Variants in CCDC154 observed in about 807,000 individuals in gnomAD.
CCDC154 encodes coiled-coil domain-containing protein 154.
CCDC154 carries 91 observed loss-of-function variants against 87.5 expected under a neutral mutation model. The observed-to-expected ratio is 1.04, with a 90% CI of 0.88 to 1.24. The LOEUF (loss-of-function observed/expected upper bound fraction) is 1.24, where lower values mean the gene tolerates loss of function less well. Ranked by LOEUF, CCDC154 falls within the 50% of genes most tolerant of loss-of-function variation. The pLI, the probability that CCDC154 is intolerant of heterozygous loss-of-function variation, is 0.00. For synonymous variants in CCDC154, 418 were observed against 400.4 expected, an observed-to-expected ratio of 1.04 and a Z score of -0.52; for missense variants, 903 against 879.2, an observed-to-expected ratio of 1.03 and a Z score of -0.34.
At chr16:1,437,694 G>T in intron 11 of CCDC154, 123 bp downstream of exon 11, 1 of 1,225,368 alleles carries the variant, frequency 8.2e-7, no homozygotes, top group Non-Finnish European at 1.1e-6. Context: ...ACAGTCGCTG[G>T]GTGGGACGGG....
At chr16:1,439,384 C>G (rs1261974256) in intron 6 of CCDC154, 1 of 514,148 alleles carries the variant, frequency 1.9e-6, no homozygotes, top group East Asian at 3.3e-5. Context: ...ACACTTGGCA[C>G]CCACCACCGA....
chr16:1,435,994 G>T lies in CCDC154; in HGVS notation c.1580C>A (p.Ala527Glu), dbSNP rs1037924050. ...CGTGGCCAGCTTGCCCTGCATCTCC[G>T]CGATCTTCCGCCCAGGGTTGTCTTC... ...LKEDNPGRKI[A>E]EMQGKLATFQ... The change falls in exon 14 of 17, where the codon GCG becomes GAG. Residue 527 changes from alanine to glutamate, a missense_variant. Physicochemically the swap from Ala to Glu is moderately radical, Grantham distance 107. Transcript: ENST00000389176. The T allele has an allele frequency of 1.9e-6, 3 of 1,549,800 alleles. No homozygotes were observed. The highest frequency in any genetic ancestry group is 2.6e-6 in the Non-Finnish European group (3 of 1,146,734).
chr16:1,435,715 AG>A (rs544404989), intron 14 of CCDC154, among the ~76,000 whole-genome samples: 72 of 152,222 alleles, frequency 4.7e-4, no homozygotes, highest in Non-Finnish European at 6.2e-4. Context: ...TAGTAGAGAC[AG>A]GGTTTCTCCA....
Position 1,434,747 on chromosome 16 carries a change from TCA to T in CCDC154, c.1796_1797del (p.Val599GlufsTer?). The T allele has an allele frequency of 1.9e-6, 3 of 1,545,856 alleles. No individual in the cohort carries two copies. Among genetic ancestry groups the T allele is most frequent in the Non-Finnish European group, 2.6e-6 (3 of 1,146,794 alleles). On this transcript the variant is annotated frameshift_variant, in exon 16 of 17. Coordinates refer to ENST00000389176, the MANE Select transcript of CCDC154 (RefSeq NM_001143980.3). LOFTEE classifies it high-confidence loss of function. ...LGSWKALPSL[V>X]RPRVFIKDMA... The stretch of plus-strand genomic sequence containing the variant: ...ATGTCCTTGATGAAGACCCGCGGCC[TCA>T]CCAGGGATGGGAGCGCCTTCCAGCT...
intron 6 of CCDC154, among the ~76,000 whole-genome samples, chr16:1,442,093 T>C (rs1327995486): frequency 3.9e-5 from 6 of 152,082 alleles, no homozygotes; most frequent in African/African-American, 1.2e-4. Flanking sequence ...GTTTTTTGTA[T>C]TTTTAGTAGA....
intron 6 of CCDC154, among the ~76,000 whole-genome samples, chr16:1,442,044 G>A (rs1282107769): frequency 6.9e-6 from 1 of 144,972 alleles, no homozygotes; most frequent in Non-Finnish European, 1.5e-5. Context: ...AGCCTCCTCA[G>A]TAGCTGAGGC....
rs766596441 is a variant in CCDC154 at position 1,442,623 on chromosome 16, G to A, written c.552-94C>T. On this transcript the variant is annotated intron_variant, in intron 5 of 16. Coordinates refer to ENST00000389176, the MANE Select transcript of CCDC154 (RefSeq NM_001143980.3). Reference sequence around the variant, plus strand: ...CAGGCTGGCCAGGCAGGAGGTGTACGACCCCCGCCCCCTGCCCCACCAGAA... The same window carrying A: ...CAGGCTGGCCAGGCAGGAGGTGTACAACCCCCGCCCCCTGCCCCACCAGAA... 48 of 1,357,150 alleles carry A rather than the reference G, an allele frequency of 3.5e-5. No individual in the cohort carries two copies. In the East Asian group the frequency reaches 6.1e-4, roughly 17 times the overall value. 84.1% of individuals were successfully genotyped at this position (1,357,150 alleles called of 1,614,324 possible).
At chr16:1,439,229 C>A in intron 6 of CCDC154, 103 bp from the exon 7 acceptor site, 1 of 1,073,978 alleles carries the variant, frequency 9.3e-7, no homozygotes, top group South Asian at 1.5e-5. Context: ...CCTGCTGTCC[C>A]CAAGCCCTGA....
chr16:1,435,539 G>T (rs907121094), intron 14 of CCDC154, among the ~76,000 whole-genome samples: 1 of 152,240 alleles, frequency 6.6e-6, no homozygotes, highest in Admixed American at 6.5e-5. Flanking sequence ...GTTTTGTTTT[G>T]TTTGAGATGG....
chr16:1,437,705 A>AGGCTTGGGACCGGC, intron 11 of CCDC154, 112 bp downstream of exon 11: 1 of 1,294,706 alleles, frequency 7.7e-7, no homozygotes, highest in South Asian at 1.6e-5. Flanking sequence ...GTGGGACGGG[A>AGGCTTGGGACCGGC]GGCTTGGGAC....
rs1294936507 is a variant in CCDC154, at chr16:1,435,949, G to T, written c.1605+20C>A. 6.5e-7 allele frequency: 1 copy of T among 1,538,394 alleles called. No individual in the cohort carries two copies. The highest frequency in any genetic ancestry group is 8.8e-7 in the Non-Finnish European group (1 of 1,137,320). Reference sequence around the variant, plus strand: ...GGCTCCCCCTCTCTCCCAGCTGGGTGCGGGCAGCCCCAGGACTACCGTGGC... The same window carrying T: ...GGCTCCCCCTCTCTCCCAGCTGGGTTCGGGCAGCCCCAGGACTACCGTGGC... On this transcript the variant is annotated intron_variant, in intron 14 of 16. Coordinates refer to ENST00000389176, the MANE Select transcript of CCDC154 (RefSeq NM_001143980.3).
Position 1,435,072 on chromosome 16 carries a change from G to A in CCDC154, c.1692+17C>T, listed in dbSNP as rs756350000. ...GGGTGGGAGCTGGGCGGTGCCGGCC[G>A]GGCAAGGCCTCCTCACCAGCCGGGC... On this transcript the variant is annotated intron_variant, in intron 15 of 16. Coordinates refer to ENST00000389176, the MANE Select transcript of CCDC154 (RefSeq NM_001143980.3). 22 of 1,546,744 alleles carry A rather than the reference G, an allele frequency of 1.4e-5. No individual in the cohort carries two copies. Among genetic ancestry groups the A allele is most frequent in the South Asian group, 8.3e-5 (7 of 83,940 alleles).
chr16:1,437,284 C>T (rs2038510858), intron 11 of CCDC154: 2 of 185,994 alleles, frequency 1.1e-5, no homozygotes, highest in South Asian at 2.7e-4. Flanking sequence ...CCGTGCGTGG[C>T]TCTGTTTCCT....
intron 4 of CCDC154, 55 bp from the exon 5 acceptor site, chr16:1,443,030 G>A: frequency 3.9e-6 from 6 of 1,537,296 alleles, no homozygotes; most frequent in South Asian, 1.2e-5. Flanking sequence ...CAGCCTCGGC[G>A]GGCTGGGGGT....
At chr16:1,435,738 C>T (rs1489997629) in intron 14 of CCDC154, among the ~76,000 whole-genome samples, 2 of 152,236 alleles carry the variant, frequency 1.3e-5, no homozygotes, top group Admixed American at 6.5e-5. Context: ...GTTGGTCAGG[C>T]GGGTCTCAAA....
intron 6 of CCDC154, among the ~76,000 whole-genome samples, chr16:1,441,065 G>C (rs2038548056): frequency 1.3e-5 from 2 of 152,198 alleles, no homozygotes; most frequent in African/African-American, 4.8e-5. Flanking sequence ...GCTGCAGTGA[G>C]CTGTGATGGC....
Position 1,443,602 on chromosome 16 carries a change from C to T in CCDC154, c.318G>A (p.Gln106=). The T allele has an allele frequency of 6.9e-7, 1 of 1,443,302 alleles. No individual in the cohort carries two copies. Among genetic ancestry groups the T allele is most frequent in the Middle Eastern group, 2.4e-4 (1 of 4,148 alleles). 89.4% of individuals were successfully genotyped at this position (1,443,302 alleles called of 1,614,324 possible). Residue 106 remains glutamine, a synonymous_variant, in exon 3 of 17, where the codon CAG becomes CAA. Transcript: ENST00000389176. ...CCTGCAGCTGCACGCGGGCCCGCAC[C>T]TGGAGCAGCTCCCGCAGCAGGCTCC... ...ATRSLLRELL[Q]VRARVQLQGS...
intron 13 of CCDC154, 63 bp downstream of exon 13, chr16:1,436,382 C>A: frequency 3.7e-6 from 5 of 1,357,170 alleles, no homozygotes; most frequent in Non-Finnish European, 5.1e-6. Context: ...AGCGTGGGGA[C>A]CGGCCCAGCC....
Position 1,437,964 on chromosome 16 carries a change from ACAGGTGGG to A in CCDC154, c.1153-18_1153-11del. On this transcript the variant is annotated splice_polypyrimidine_tract_variant and intron_variant, in intron 10 of 16. Transcript: ENST00000389176. The stretch of plus-strand genomic sequence containing the variant: ...GGCTCTTCTCTCGGAGCTGCAGGGG[ACAGGTGGG>A]CACGGGGAGGCCTGGCTGAGCGCCC... 1 of 1,542,878 alleles carries A rather than the reference ACAGGTGGG, an allele frequency of 6.5e-7. No individual in the cohort carries two copies.
Sources: gnomAD v4.1 joint callset for allele counts (sites outside exome capture counted in the v4.1 genomes callset) on GRCh38, gnomAD v4.1.1 for gene constraint, MANE v1.5 for transcripts, NCBI Gene and HGNC (gene_info 2026-07-23, HGNC 2026-07-21) for gene names.